TBC1D5: variants seen among roughly 807,000 people sequenced by gnomAD.
The protein encoded by TBC1D5 is TBC1 domain family member 5.
A neutral mutation model predicts 100.3 loss-of-function variants in TBC1D5; 75 were observed. That is an observed-to-expected ratio of 0.75 (90% CI 0.62 to 0.91). The LOEUF is 0.91. Ranked by LOEUF, TBC1D5 falls within the 40% of genes least tolerant of loss-of-function variation. The pLI is 0.00. For missense variants in TBC1D5, 910 were observed against 942.4 expected, an observed-to-expected ratio of 0.97 and a Z score of 0.45; for synonymous variants, 323 against 325.6, an observed-to-expected ratio of 0.99 and a Z score of 0.09.
chr3:17,303,985 A>G (rs1559591854), intron 14 of TBC1D5, among the ~76,000 whole-genome samples: 1 of 151,796 alleles, frequency 6.6e-6, no homozygotes, highest in Non-Finnish European at 1.5e-5. Context: ...CAAACCACTA[A>G]CCCTACTCTG....
At chr3:17,468,646 G>A (rs2095337238) in intron 3 of TBC1D5, among the ~76,000 whole-genome samples, 1 of 152,110 alleles carries the variant, frequency 6.6e-6, no homozygotes, top group African/African-American at 2.4e-5. Flanking sequence ...GAACACAGCT[G>A]TAGAACTTAG....
chr3:17,417,431 A>C (rs1227757478), intron 4 of TBC1D5, among the ~76,000 whole-genome samples: 1 of 147,700 alleles, frequency 6.8e-6, no homozygotes, highest in African/African-American at 2.6e-5. Flanking sequence ...CATGAGTGAG[A>C]ATATGCGGTG....
At chr3:17,243,583 C>T (rs934617667) in intron 16 of TBC1D5, among the ~76,000 whole-genome samples, 2 of 151,788 alleles carry the variant, frequency 1.3e-5, no homozygotes, top group Non-Finnish European at 1.5e-5. Context: ...TCTCAACAGG[C>T]TAGCATGAAA....
intron 1 of TBC1D5, among the ~76,000 whole-genome samples, chr3:17,712,529 G>C (rs1452854976): frequency 1.3e-5 from 2 of 152,090 alleles, no homozygotes; most frequent in South Asian, 2.1e-4. Flanking sequence ...AATCAAACTT[G>C]CATCTCTGCC....
chr3:17,524,099 T>C (rs2096098159), intron 2 of TBC1D5, among the ~76,000 whole-genome samples: 1 of 152,074 alleles, frequency 6.6e-6, no homozygotes, highest in African/African-American at 2.4e-5. Flanking sequence ...ACAGGAAGAT[T>C]TAAAGAGATG....
Position 17,235,816 on chromosome 3 carries a change from C to T in TBC1D5, c.1588+2347G>A, listed in dbSNP as rs117908832. ...CTATCGTCTACTTCCACAAACCGTT[C>T]TCTTTGCCTTTTGTTTTATCCATAC... On this transcript the variant is annotated intron_variant, in intron 17 of 21. Coordinates refer to ENST00000253692, the Ensembl canonical transcript of TBC1D5. Among the ~76,000 whole-genome samples, 99 of 152,220 alleles carry T rather than the reference C, an allele frequency of 6.5e-4. 2 individuals are homozygous for T. In the East Asian group the frequency reaches 0.019, roughly 29 times the overall value.
At chr3:17,323,308 T>G (rs565066756) in intron 13 of TBC1D5, among the ~76,000 whole-genome samples, 4 of 152,258 alleles carry the variant, frequency 2.6e-5, no homozygotes, top group African/African-American at 9.6e-5. Flanking sequence ...AAAGACACTA[T>G]GAGAAAACTG....
intron 15 of TBC1D5, among the ~76,000 whole-genome samples, chr3:17,270,922 T>C (rs1158705151): frequency 6.6e-6 from 1 of 152,206 alleles, no homozygotes; most frequent in Admixed American, 6.5e-5. Context: ...ATCAGTTGGC[T>C]GCAGGTGTGT....
intron 1 of TBC1D5, among the ~76,000 whole-genome samples, chr3:17,717,470 A>G (rs1425467150): frequency 6.6e-6 from 1 of 152,216 alleles, no homozygotes; most frequent in Non-Finnish European, 1.5e-5. Flanking sequence ...ATTACCAATT[A>G]ATACACATTT....
chr3:17,720,293 A>G lies in TBC1D5; in HGVS notation c.-101+19050T>C, dbSNP rs568461658. On this transcript the variant is annotated intron_variant, in intron 1 of 21. Transcript: ENST00000253692. ...AATGTAACACATTTGTGTAGCCAAC[A>G]TTTTTAAAATGATATCAAGTTTCAA... 9.2e-5 allele frequency among the ~76,000 whole-genome samples: 14 copies of G among 152,314 alleles called. No homozygotes were observed. The East Asian group carries it at 2.7e-3, about 29-fold the overall frequency.
chr3:17,351,219 C>T (rs575629954), intron 13 of TBC1D5, among the ~76,000 whole-genome samples: 1 of 152,236 alleles, frequency 6.6e-6, no homozygotes, highest in Non-Finnish European at 1.5e-5. Context: ...ACTCAGCAAT[C>T]CCATTACTGG....
intron 1 of TBC1D5, among the ~76,000 whole-genome samples, chr3:17,687,188 T>C (rs1172945759): frequency 6.6e-6 from 1 of 152,186 alleles, no homozygotes. Context: ...AAGTTATGAT[T>C]ACCTTTCTTA....
chr3:17,713,588 A>G (rs957441604), intron 1 of TBC1D5, among the ~76,000 whole-genome samples: 2 of 152,182 alleles, frequency 1.3e-5, no homozygotes, highest in African/African-American at 4.8e-5. Flanking sequence ...CACTTTAGTC[A>G]TGTGAAAAGA....
At chr3:17,312,970 T>C (rs888452030) in intron 13 of TBC1D5, among the ~76,000 whole-genome samples, 1 of 152,212 alleles carries the variant, frequency 6.6e-6, no homozygotes, top group African/African-American at 2.4e-5. Context: ...CTCTTTCAGA[T>C]GTATGCCTGC....
chr3:17,662,019 T>G (rs1424812154), intron 1 of TBC1D5, among the ~76,000 whole-genome samples: 4 of 152,098 alleles, frequency 2.6e-5, no homozygotes, highest in Admixed American at 1.3e-4. Context: ...GCCTCCCAAG[T>G]AGCTAGGACT....
chr3:17,604,042 T>A (rs796856022), intron 2 of TBC1D5, among the ~76,000 whole-genome samples: 1 of 152,228 alleles, frequency 6.6e-6, no homozygotes, highest in African/African-American at 2.4e-5. Context: ...AATGGCCTCC[T>A]GGACTGAACC....
chr3:17,680,420 T>A (rs1375774817), intron 1 of TBC1D5, among the ~76,000 whole-genome samples: 1 of 150,936 alleles, frequency 6.6e-6, no homozygotes, highest in Non-Finnish European at 1.5e-5. Context: ...AGAGATAGGA[T>A]CTCCCTATGT....
At chr3:17,221,456 C>T (rs1368041369) in intron 17 of TBC1D5, among the ~76,000 whole-genome samples, 2 of 152,082 alleles carry the variant, frequency 1.3e-5, no homozygotes, top group East Asian at 1.9e-4. Context: ...CCACAACAGT[C>T]CCCAGTGTGT....
At chr3:17,356,781 AAC>A (rs1317689908) in intron 13 of TBC1D5, among the ~76,000 whole-genome samples, 4 of 152,202 alleles carry the variant, frequency 2.6e-5, no homozygotes, top group African/African-American at 9.6e-5. Context: ...TAGCTATGGA[AAC>A]ACACCCTGGG....
Sources: gnomAD v4.1 joint callset for allele counts (sites outside exome capture counted in the v4.1 genomes callset) on GRCh38, gnomAD v4.1.1 for gene constraint, MANE v1.5 for transcripts, NCBI Gene and HGNC (gene_info 2026-07-23, HGNC 2026-07-21) for gene names.